The following CREB5 variants were observed in gnomAD, a reference collection of about 807,000 sequenced individuals.
CREB5 encodes cAMP responsive element binding protein 5.
In CREB5, 19 loss-of-function variants were observed where a neutral mutation model predicts 57.1. That is an observed-to-expected ratio of 0.33 (90% CI 0.23 to 0.49). The LOEUF (loss-of-function observed/expected upper bound fraction) is 0.49. Ranked by LOEUF, CREB5 falls within the 20% of genes least tolerant of loss-of-function variation. CREB5 has a pLI of 0.99. For missense variants in CREB5, 579 were observed against 671.6 expected, an observed-to-expected ratio of 0.86 and a Z score of 1.52; for synonymous variants, 238 against 238.3, an observed-to-expected ratio of 1.00 and a Z score of 0.01.
chr7:28,786,465 C>T (rs1807334085), intron 7 of CREB5, among the ~76,000 whole-genome samples: 1 of 152,162 alleles, frequency 6.6e-6, no homozygotes, highest in African/African-American at 2.4e-5. Context: ...CCAGGCTGGT[C>T]TCAAACTCCT....
At chr7:28,698,911 A>C (rs375349667) in intron 5 of CREB5, among the ~76,000 whole-genome samples, 1 of 152,206 alleles carries the variant, frequency 6.6e-6, no homozygotes, top group Non-Finnish European at 1.5e-5. Context: ...TCTGTATTCA[A>C]TGCCCTCCAA....
chr7:28,654,495 T>C (rs1456914957), intron 5 of CREB5, among the ~76,000 whole-genome samples: 2 of 151,582 alleles, frequency 1.3e-5, no homozygotes, highest in African/African-American at 4.8e-5. Flanking sequence ...GCCAACATCA[T>C]AGGCTAGTAG....
intron 4 of CREB5, among the ~76,000 whole-genome samples, chr7:28,512,251 G>GAA (rs1359404918): frequency 6.6e-6 from 1 of 152,198 alleles, no homozygotes; most frequent in Non-Finnish European, 1.5e-5. Context: ...CACTAATGTA[G>GAA]AAACGGTGTT....
chr7:28,468,674 C>T (rs1790687846), intron 1 of CREB5, among the ~76,000 whole-genome samples: 1 of 152,346 alleles, frequency 6.6e-6, no homozygotes, highest in Non-Finnish European at 1.5e-5. Flanking sequence ...ATCTCACTTT[C>T]ACGGAGATGT....
intron 5 of CREB5, among the ~76,000 whole-genome samples, chr7:28,716,126 AT>A (rs573693531): frequency 5.3e-5 from 8 of 152,064 alleles, no homozygotes; most frequent in Non-Finnish European, 8.8e-5. Flanking sequence ...TGTTTAATTA[AT>A]TTTTTCTCTA....
chr7:28,310,236 A>G (rs1785252951), intron 1 of CREB5, among the ~76,000 whole-genome samples: 1 of 152,220 alleles, frequency 6.6e-6, no homozygotes, highest in Non-Finnish European at 1.5e-5. Flanking sequence ...GAGTTATTTC[A>G]TGCAAACTTT....
intron 1 of CREB5, among the ~76,000 whole-genome samples, chr7:28,428,676 A>G (rs527866192): frequency 1.1e-4 from 17 of 152,286 alleles, no homozygotes; most frequent in Admixed American, 1.1e-3. Flanking sequence ...AGTTTTGGGC[A>G]TGTTGTATGT....
intron 5 of CREB5, among the ~76,000 whole-genome samples, chr7:28,611,156 G>C (rs1797367863): frequency 6.6e-6 from 1 of 152,074 alleles, no homozygotes; most frequent in Non-Finnish European, 1.5e-5. Context: ...TGTGGAAACA[G>C]GTCATACATT....
chr7:28,364,452 T>G (rs1786548960), intron 1 of CREB5, among the ~76,000 whole-genome samples: 1 of 152,230 alleles, frequency 6.6e-6, no homozygotes, highest in African/African-American at 2.4e-5. Flanking sequence ...AACATGTATC[T>G]TCTAGCTAAA....
chr7:28,779,938 AT>A (rs973040112), intron 7 of CREB5, among the ~76,000 whole-genome samples: 1 of 151,546 alleles, frequency 6.6e-6, no homozygotes, highest in Admixed American at 6.6e-5. Context: ...TTTTGTTTTT[AT>A]TTTTTATAGA....
At chr7:28,372,843 T>C (rs1206552059) in intron 1 of CREB5, among the ~76,000 whole-genome samples, 1 of 152,256 alleles carries the variant, frequency 6.6e-6, no homozygotes, top group East Asian at 1.9e-4. Flanking sequence ...TTAAAAATTG[T>C]ATTAAAACAT....
intron 5 of CREB5, among the ~76,000 whole-genome samples, chr7:28,661,461 T>C (rs1040829528): frequency 7.8e-5 from 11 of 140,364 alleles, no homozygotes; most frequent in Non-Finnish European, 1.5e-4. Flanking sequence ...GCCCAGGCTC[T>C]ATGTACATGT....
At chr7:28,299,634 T>C (rs1363061773) in intron 1 of CREB5, among the ~76,000 whole-genome samples, 1 of 152,236 alleles carries the variant, frequency 6.6e-6, no homozygotes, top group Non-Finnish European at 1.5e-5. Flanking sequence ...CTGATATTCT[T>C]TTGTTATTGT....
chr7:28,408,048 A>G (rs1249103012), upstream of CREB5, among the ~76,000 whole-genome samples: 1 of 152,096 alleles, frequency 6.6e-6, no homozygotes, highest in Non-Finnish European at 1.5e-5. Flanking sequence ...ACCACCAATA[A>G]CCCACAAGAA....
chr7:28,793,728 C>T (rs1165502663), intron 7 of CREB5, among the ~76,000 whole-genome samples: 2 of 152,246 alleles, frequency 1.3e-5, no homozygotes, highest in Non-Finnish European at 2.9e-5. Flanking sequence ...CCCGCCCAAG[C>T]AGCACACTGC....
At chr7:28,373,332 G>GT (rs1220673811) in intron 1 of CREB5, among the ~76,000 whole-genome samples, 2 of 152,026 alleles carry the variant, frequency 1.3e-5, no homozygotes, top group African/African-American at 4.8e-5. Flanking sequence ...TGTTTGTTTG[G>GT]TTTTTTAAAT....
At chr7:28,776,668 G>GA (rs1393828263) in intron 7 of CREB5, among the ~76,000 whole-genome samples, 13 of 152,144 alleles carry the variant, frequency 8.5e-5, no homozygotes, top group Admixed American at 8.5e-4. Flanking sequence ...TTACCCTTCA[G>GA]AAAAATCCCT....
intron 1 of CREB5, among the ~76,000 whole-genome samples, chr7:28,474,098 C>T (rs1027827826): frequency 1.3e-5 from 2 of 152,186 alleles, no homozygotes; most frequent in African/African-American, 4.8e-5. Context: ...GAGAAGTCTG[C>T]TGGGTGTTGG....
At chr7:28,345,776 C>T (rs1786046607) in intron 1 of CREB5, among the ~76,000 whole-genome samples, 1 of 152,146 alleles carries the variant, frequency 6.6e-6, no homozygotes, top group African/African-American at 2.4e-5. Flanking sequence ...AGGCAGGAAT[C>T]CATGCAGGCT....
Sources: gnomAD v4.1 joint callset for allele counts (sites outside exome capture counted in the v4.1 genomes callset) on GRCh38, gnomAD v4.1.1 for gene constraint, MANE v1.5 for transcripts, NCBI Gene and HGNC (gene_info 2026-07-23, HGNC 2026-07-21) for gene names.